NCKAP5: variants seen among roughly 807,000 people sequenced by gnomAD.
NCKAP5 encodes NCK associated protein 5.
Under a neutral mutation model 167.0 loss-of-function variants are expected in NCKAP5, and 92 were observed. That is an observed-to-expected ratio of 0.55 (90% CI 0.47 to 0.66). The LOEUF is 0.66. Among genes scored for constraint, NCKAP5 ranks in the 30% least tolerant of loss-of-function variants. NCKAP5 has a pLI of 0.00. For synonymous variants in NCKAP5, 891 were observed against 877.4 expected (o/e 1.02, Z -0.27); for missense variants, 2,378 against 2,315.0 (o/e 1.03, Z -0.56).
Position 132,854,591 on chromosome 2 carries a change from TG to T in NCKAP5, c.807+5900del, listed in dbSNP as rs149348926. Among the ~76,000 whole-genome samples the T allele has an allele frequency of 9.4e-3, 1,431 of 152,370 alleles. 16 individuals carry two copies. Among genetic ancestry groups the T allele is most frequent in the African/African-American group, 0.033 (1,382 of 41,590 alleles). ...CACATGGAGGCATGGCTTCCTCTGC[TG>T]GGCCTTCCCCAGGGCCCTCTGCAAG... On this transcript the variant is annotated intron_variant, in intron 11 of 19. Coordinates refer to ENST00000409261, the MANE Select transcript of NCKAP5 (RefSeq NM_207363.3).
chr2:133,526,312 G>C, intron 2 of NCKAP5, among the ~76,000 whole-genome samples: 1 of 46,442 alleles, frequency 2.2e-5, no homozygotes, highest in South Asian at 1.2e-3. Context: ...AGGGAGGGAA[G>C]GAGGGAGGGA....
At position 133,381,965 on chromosome 2, in the gene NCKAP5, T is replaced by C. The variant is rs16824087; in HGVS notation, c.70-78855A>G. 4.6e-3 allele frequency among the ~76,000 whole-genome samples: 697 copies of C among 152,322 alleles called. 7 individuals are homozygous for C. The highest frequency in any genetic ancestry group is 0.015 in the African/African-American group (628 of 41,574). On this transcript the variant is annotated intron_variant, in intron 3 of 19. Coordinates refer to ENST00000409261, the MANE Select transcript of NCKAP5 (RefSeq NM_207363.3). ...TCCTCCAGAGGCCCTGCACAGTTAC[T>C]TCTGAGAGACTTGTGTTCTTAGATC...
intron 7 of NCKAP5, among the ~76,000 whole-genome samples, chr2:132,988,678 G>C (rs1418644559): frequency 6.6e-6 from 1 of 152,104 alleles, no homozygotes; most frequent in Non-Finnish European, 1.5e-5. Context: ...TGTTTCTCTG[G>C]CATTAAATCA....
intron 5 of NCKAP5, among the ~76,000 whole-genome samples, chr2:133,173,976 C>CT (rs66794891): frequency 0.1 from 15,536 of 152,064 alleles, 1,010 homozygotes; most frequent in African/African-American, 0.18. Context: ...AATACATACG[C>CT]TTTTTTTCCC....
intron 4 of NCKAP5, among the ~76,000 whole-genome samples, chr2:133,223,766 T>C (rs2086764004): frequency 6.6e-6 from 1 of 152,198 alleles, no homozygotes; most frequent in Non-Finnish European, 1.5e-5. Context: ...TTCTAAGTTG[T>C]GGATCTTCAC....
rs573800410 is a variant in NCKAP5, at chr2:133,229,507, T to C, written c.144-15728A>G. 5.9e-5 allele frequency among the ~76,000 whole-genome samples: 9 copies of C among 152,350 alleles called. No homozygotes were observed. In the East Asian group the frequency reaches 1.7e-3, roughly 29 times the overall value. On this transcript the variant is annotated intron_variant, in intron 4 of 19. Coordinates refer to ENST00000409261, the MANE Select transcript of NCKAP5 (RefSeq NM_207363.3). ...TTACATTTAAGATAAAAGAGGATAA[T>C]GATAATGATGAACACTTATAAAGTA...
At chr2:132,870,255 G>C (rs1690701131) in intron 9 of NCKAP5, among the ~76,000 whole-genome samples, 1 of 152,132 alleles carries the variant, frequency 6.6e-6, no homozygotes. Context: ...TTTGCATAGA[G>C]TCACCTACTA....
At chr2:133,465,315 A>G (rs1431361419) in intron 3 of NCKAP5, among the ~76,000 whole-genome samples, 1 of 151,926 alleles carries the variant, frequency 6.6e-6, no homozygotes, top group Non-Finnish European at 1.5e-5. Context: ...CATTTTATCC[A>G]TGTCCCTACA....
At chr2:132,766,573 A>G (rs542326574) in intron 16 of NCKAP5, among the ~76,000 whole-genome samples, 4 of 152,300 alleles carry the variant, frequency 2.6e-5, no homozygotes, top group South Asian at 2.1e-4. Flanking sequence ...CCACATATGG[A>G]TAACTACCAC....
chr2:133,225,239 G>GAA lies in NCKAP5; in HGVS notation c.144-11462_144-11461dup, dbSNP rs11439770. Among the ~76,000 whole-genome samples, 91 of 151,546 alleles carry GAA rather than the reference G, an allele frequency of 6.0e-4. No homozygotes were observed. In the South Asian group the frequency reaches 0.017, roughly 29 times the overall value. ...TAATATGGAAAGGGAATTCTTGAGG[G>GAA]AAAAAAAACATGCTAATCAAGCATG... On this transcript the variant is annotated intron_variant, in intron 4 of 19. Transcript: ENST00000409261.
chr2:133,304,202 G>A (rs944888325), intron 3 of NCKAP5, among the ~76,000 whole-genome samples: 17 of 152,086 alleles, frequency 1.1e-4, no homozygotes, highest in Non-Finnish European at 2.4e-4. Flanking sequence ...ACTATAATAA[G>A]GTGAGGGGCT....
At chr2:132,702,485 T>G (rs567042168) in intron 19 of NCKAP5, among the ~76,000 whole-genome samples, 1 of 152,300 alleles carries the variant, frequency 6.6e-6, no homozygotes, top group South Asian at 2.1e-4. Context: ...GAGATACAGT[T>G]GTCTCTGGAC....
intron 6 of NCKAP5, among the ~76,000 whole-genome samples, chr2:133,103,015 C>A (rs924224870): frequency 6.6e-6 from 1 of 152,164 alleles, no homozygotes; most frequent in Non-Finnish European, 1.5e-5. Flanking sequence ...TATTTTATCA[C>A]CTAGCATATC....
Position 132,782,732 on chromosome 2 carries a change from C to T in NCKAP5, c.4079G>A (p.Ser1360Asn). The T allele has an allele frequency of 6.2e-7, 1 of 1,614,004 alleles. No individual in the cohort carries two copies. The highest frequency in any genetic ancestry group is 8.5e-7 in the Non-Finnish European group (1 of 1,179,886). Residue 1360 changes from serine (S) to asparagine (N), a missense_variant, in exon 14 of 20, where the codon AGT becomes AAT. Physicochemically the swap from Ser to Asn is conservative, Grantham distance 46. Coordinates refer to ENST00000409261, the MANE Select transcript of NCKAP5 (RefSeq NM_207363.3). ...GSLGSSGSFS[S>N]QHGSPSKLPL... ...CAACTTACTTGGGCTCCCATGCTGA[C>T]TGCTGAAGCTGCCTGAGCTCCCCAG...
chr2:133,361,946 A>T (rs1685131978), intron 3 of NCKAP5, among the ~76,000 whole-genome samples: 1 of 152,222 alleles, frequency 6.6e-6, no homozygotes, highest in Non-Finnish European at 1.5e-5. Context: ...CTATAAGCAT[A>T]AAGAGTGTAT....
intron 11 of NCKAP5, among the ~76,000 whole-genome samples, chr2:132,814,046 G>A (rs1169716334): frequency 6.6e-6 from 1 of 152,170 alleles, no homozygotes; most frequent in Non-Finnish European, 1.5e-5. Context: ...AGTTGCTGGA[G>A]TCCCATTCAT....
intron 6 of NCKAP5, among the ~76,000 whole-genome samples, chr2:133,102,272 G>A (rs779428472): frequency 2.6e-5 from 4 of 151,966 alleles, no homozygotes; most frequent in Non-Finnish European, 5.9e-5. Context: ...TCAGCCTCCC[G>A]AGTAGCCGGG....
the NCKAP5 span, among the ~76,000 whole-genome samples, chr2:133,642,931 T>C: frequency 3.7e-4 from 56 of 152,338 alleles, no homozygotes; most frequent in African/African-American, 1.3e-3. Flanking sequence ...TTGCTCACAA[T>C]ATCTTTTTTT....
intron 6 of NCKAP5, among the ~76,000 whole-genome samples, chr2:133,088,042 C>T (rs2081052221): frequency 6.6e-6 from 1 of 152,164 alleles, no homozygotes; most frequent in South Asian, 2.1e-4. Flanking sequence ...ACCATAACCT[C>T]CCTTAACATG....
Sources: allele counts gnomAD v4.1 joint callset (sites outside exome capture counted in the v4.1 genomes callset), GRCh38; gene constraint gnomAD v4.1.1; transcripts MANE v1.5; gene names NCBI Gene and HGNC (gene_info 2026-07-23, HGNC 2026-07-21).